HIP1: variants seen among roughly 807,000 people sequenced by gnomAD.
HIP1 encodes the protein huntingtin-interacting protein 1.
Under a neutral mutation model 147.6 loss-of-function variants are expected in HIP1, and 65 were observed. That is an observed-to-expected ratio of 0.44 (90% confidence interval 0.36 to 0.54). The LOEUF (loss-of-function observed/expected upper bound fraction) is 0.54, where lower values mean the gene tolerates loss of function less well. Among genes scored for constraint, HIP1 ranks in the 20% least tolerant of loss-of-function variants. The probability of loss-of-function intolerance (pLI) is 0.00; values close to 1 mark genes in which losing one functional copy is unlikely to be tolerated. For synonymous variants in HIP1, 479 were observed against 504.0 expected (o/e 0.95, Z 0.67); for missense variants, 1,061 against 1,299.6 (o/e 0.82, Z 2.82).
intron 4 of HIP1, among the ~76,000 whole-genome samples, chr7:75,587,779 C>G (rs1474490915): frequency 6.6e-6 from 1 of 152,138 alleles, no homozygotes; most frequent in Non-Finnish European, 1.5e-5. Flanking sequence ...GCCTGGCCAA[C>G]ATGGCGAAAC....
intron 1 of HIP1, among the ~76,000 whole-genome samples, chr7:75,669,335 T>C (rs557232386): frequency 6.6e-6 from 1 of 152,230 alleles, no homozygotes; most frequent in Admixed American, 6.5e-5. Flanking sequence ...ATCATGCCAC[T>C]GCACTCTAGC....
At position 75,558,998 on chromosome 7, in the gene HIP1, G is replaced by A. The variant is rs1039947107; in HGVS notation, c.1375+734C>T. 3.9e-5 allele frequency among the ~76,000 whole-genome samples: 6 copies of A among 152,114 alleles called. 1 individual carries two copies. The highest frequency in any genetic ancestry group is 7.4e-5 in the Non-Finnish European group (5 of 68,020). Reference sequence around the variant, plus strand: ...CACACCACTGCATTCCAGCCTGGGCGACAGAGTGAGACTCCACCTCAAAAA... The same window carrying A: ...CACACCACTGCATTCCAGCCTGGGCAACAGAGTGAGACTCCACCTCAAAAA... On this transcript the variant is annotated intron_variant, in intron 14 of 30. Coordinates refer to ENST00000336926, the MANE Select transcript of HIP1 (RefSeq NM_005338.7).
chr7:75,685,557 C>G (rs1800231916), intron 1 of HIP1, among the ~76,000 whole-genome samples: 2 of 151,990 alleles, frequency 1.3e-5, no homozygotes, highest in Non-Finnish European at 2.9e-5. Flanking sequence ...TGTCAGTTTT[C>G]TTTTTTGTGA....
At chr7:75,587,238 G>A (rs945710007) in intron 4 of HIP1, among the ~76,000 whole-genome samples, 23 of 152,072 alleles carry the variant, frequency 1.5e-4, no homozygotes, top group Admixed American at 4.6e-4. Flanking sequence ...GAGCCACCAC[G>A]CCCAGCTAAT....
intron 22 of HIP1, among the ~76,000 whole-genome samples, chr7:75,549,825 A>G (rs1284535942): frequency 7.8e-6 from 1 of 128,378 alleles, no homozygotes; most frequent in Non-Finnish European, 1.6e-5. Context: ...GTGCACCACC[A>G]AGCCCGGATA....
chr7:75,639,537 G>T (rs1321657762), intron 1 of HIP1, among the ~76,000 whole-genome samples: 1 of 151,766 alleles, frequency 6.6e-6, no homozygotes, highest in Non-Finnish European at 1.5e-5. Context: ...ATCCCGGAGC[G>T]AGAGGCCGCC....
chr7:75,559,713 GC>G lies in HIP1; in HGVS notation c.1375+18del. The G allele has an allele frequency of 3.9e-6, 1 of 259,570 alleles. No individual in the cohort carries two copies. Among genetic ancestry groups the G allele is most frequent in the East Asian group, 1.1e-4 (1 of 9,304 alleles). 16.1% of individuals were successfully genotyped at this position (259,570 alleles called of 1,614,324 possible). A position where few individuals can be genotyped will look rare whatever the true frequency, so the allele number is the denominator to read the frequency against. On this transcript the variant is annotated intron_variant, in intron 14 of 30. Coordinates refer to ENST00000336926, the MANE Select transcript of HIP1 (RefSeq NM_005338.7). The stretch of plus-strand genomic sequence containing the variant: ...GCGCCTGCCCCCGGGGCCCGCCCCC[GC>G]CCCCACCCACCGCTCACTTTCTATC...
intron 1 of HIP1, among the ~76,000 whole-genome samples, chr7:75,714,677 T>G (rs1245931867): frequency 1.3e-5 from 2 of 151,850 alleles, no homozygotes; most frequent in African/African-American, 4.8e-5. Flanking sequence ...GGTCTTGAAC[T>G]CCTAACCTTA....
intron 1 of HIP1, among the ~76,000 whole-genome samples, chr7:75,666,558 G>A (rs1239184646): frequency 1.3e-5 from 2 of 152,172 alleles, no homozygotes; most frequent in African/African-American, 2.4e-5. Flanking sequence ...GGTCAATAGC[G>A]ACACCGATAT....
chr7:75,633,816 C>T lies in HIP1; in HGVS notation c.121-34569G>A, dbSNP rs782361029. On this transcript the variant is annotated intron_variant, in intron 1 of 30. Coordinates refer to ENST00000336926, the MANE Select transcript of HIP1 (RefSeq NM_005338.7). ...CAACAGGTTGACCAGAAGTCTTTTC[C>T]GCTCTGCCATCAATATCATTTACTC... Among the ~76,000 whole-genome samples the T allele has an allele frequency of 3.1e-4, 47 of 152,240 alleles. 1 individual carries two copies. The highest frequency in any genetic ancestry group is 4.3e-4 in the African/African-American group (18 of 41,546).
chr7:75,614,549 CTGGGGCCTGGTAGGAGAGGGG>C (rs1374434925), intron 1 of HIP1, among the ~76,000 whole-genome samples: 4 of 152,002 alleles, frequency 2.6e-5, no homozygotes, highest in Non-Finnish European at 5.9e-5. Flanking sequence ...CTGGTGGCCA[CTGGGGCCTGGTAGGAGAGGGG>C]TGGGGAGTGA....
At chr7:75,657,391 A>G (rs904631639) in intron 1 of HIP1, among the ~76,000 whole-genome samples, 7 of 151,992 alleles carry the variant, frequency 4.6e-5, no homozygotes, top group Non-Finnish European at 5.9e-5. Context: ...TTAGCCAGGC[A>G]TGGTGGCAGG....
intron 21 of HIP1, among the ~76,000 whole-genome samples, chr7:75,553,882 C>T (rs1554492644): frequency 6.6e-6 from 1 of 152,120 alleles, no homozygotes; most frequent in South Asian, 2.1e-4. Flanking sequence ...ACGGCGATTA[C>T]AGGCGTGAAC....
intron 1 of HIP1, among the ~76,000 whole-genome samples, chr7:75,621,589 T>A (rs1797849793): frequency 6.6e-6 from 1 of 152,124 alleles, no homozygotes; most frequent in South Asian, 2.1e-4. Context: ...GGTAAAACGA[T>A]CTGATTCAAT....
intron 1 of HIP1, among the ~76,000 whole-genome samples, chr7:75,604,025 AG>A (rs1797119236): frequency 6.6e-6 from 1 of 152,194 alleles, no homozygotes; most frequent in Non-Finnish European, 1.5e-5. Context: ...CCTCAGTGAC[AG>A]AACTGTCCCA....
Position 75,738,823 on chromosome 7 carries a change from C to T in HIP1, c.98G>A (p.Arg33His). The T allele has an allele frequency of 1.3e-6, 2 of 1,599,600 alleles. No homozygotes were observed. Among genetic ancestry groups the T allele is most frequent in the East Asian group, 2.3e-5 (1 of 43,544 alleles). ...CACCTGAGTCCGCTCGAAGCTCTCG[C>T]GCTCCGCCGCCTCCAGCCCAGCGCC... Reference protein sequence around the residue: ...GVGAGLEAAERESFERTQTVS... With the variant: ...GVGAGLEAAEHESFERTQTVS... The change falls in exon 1 of 31, where the codon CGC becomes CAC. Residue 33 changes from arginine to histidine, a missense_variant. This residue lies in a region of HIP1 where 225 missense variants were observed against 292.9 expected (regional missense o/e 0.77). Transcript: ENST00000336926.
chr7:75,565,779 T>C (rs1374612221), intron 9 of HIP1, among the ~76,000 whole-genome samples: 1 of 151,360 alleles, frequency 6.6e-6, no homozygotes, highest in Non-Finnish European at 1.5e-5. Context: ...TTGCCCAAGC[T>C]GTAGTGCAGT....
chr7:75,557,597 C>T (rs1033284722), intron 16 of HIP1, 57 bp downstream of exon 16: 61 of 1,309,086 alleles, frequency 4.7e-5, no homozygotes, highest in South Asian at 1.5e-4. Context: ...ACAAAGCCCC[C>T]GCCACCAACT....
At chr7:75,581,539 G>A (rs1280608447) in intron 6 of HIP1, among the ~76,000 whole-genome samples, 1 of 152,254 alleles carries the variant, frequency 6.6e-6, no homozygotes, top group Admixed American at 6.5e-5. Flanking sequence ...AGCACTTTGG[G>A]AGGCCGAGGT....
Sources: gnomAD v4.1 joint callset for allele counts (sites outside exome capture counted in the v4.1 genomes callset) on GRCh38, gnomAD v4.1.1 for gene constraint, gnomAD v4.1.1 regional missense constraint, MANE v1.5 for transcripts, NCBI Gene and HGNC (gene_info 2026-07-23, HGNC 2026-07-21) for gene names.